The following PRIM2 variants were observed in gnomAD, a reference collection of about 807,000 sequenced individuals.
PRIM2 encodes DNA primase subunit 2.
PRIM2 carries 39 observed loss-of-function variants against 67.3 expected under a neutral mutation model. The observed-to-expected ratio is 0.58, with a 90% CI of 0.45 to 0.76. The LOEUF (loss-of-function observed/expected upper bound fraction) is 0.76, where lower values mean the gene tolerates loss of function less well. Among genes scored for constraint, PRIM2 ranks in the 30% least tolerant of loss-of-function variants. The probability of loss-of-function intolerance (pLI) is 0.00; values close to 1 mark genes in which losing one functional copy is unlikely to be tolerated. For missense variants in PRIM2, 398 were observed against 598.7 expected (o/e 0.66, Z 3.50); for synonymous variants, 143 against 198.7 (o/e 0.72, Z 2.36).
At chr6:57,265,255 T>A in the PRIM2 span, among the ~76,000 whole-genome samples, 1 of 152,222 alleles carries the variant, frequency 6.6e-6, no homozygotes, top group Non-Finnish European at 1.5e-5. Flanking sequence ...TTATGCAGTA[T>A]TTTCAAGGCC....
chr6:57,224,165 G>A, the PRIM2 span, among the ~76,000 whole-genome samples: 1 of 152,172 alleles, frequency 6.6e-6, no homozygotes, highest in Non-Finnish European at 1.5e-5. Flanking sequence ...CCCAGGTGTG[G>A]CGAGGTATCC....
intron 5 of PRIM2, among the ~76,000 whole-genome samples, chr6:57,374,861 C>A (rs1399639541): frequency 6.6e-6 from 1 of 152,252 alleles, no homozygotes; most frequent in Non-Finnish European, 1.5e-5. Context: ...GCTGGTATTA[C>A]AGGTATGAGC....
chr6:57,542,600 AAAT>A (rs1163870138), intron 10 of PRIM2, among the ~76,000 whole-genome samples: 2 of 152,064 alleles, frequency 1.3e-5, no homozygotes, highest in African/African-American at 4.8e-5. Context: ...TTATAAAAGA[AAAT>A]AAATAATTTT....
the PRIM2 span, among the ~76,000 whole-genome samples, chr6:57,259,278 G>T: frequency 8.8e-4 from 134 of 152,254 alleles, 2 homozygotes; most frequent in African/African-American, 3.2e-3. Context: ...TTGGGGGTTG[G>T]CTGATTTAAG....
At chr6:57,574,011 G>A (rs1775915400) in intron 10 of PRIM2, among the ~76,000 whole-genome samples, 1 of 151,670 alleles carries the variant, frequency 6.6e-6, no homozygotes, top group East Asian at 1.9e-4. Context: ...TGAAGGCAGG[G>A]AACCTAAGGC....
chr6:57,500,476 A>G (rs1403940243), intron 7 of PRIM2, among the ~76,000 whole-genome samples: 1 of 152,224 alleles, frequency 6.6e-6, no homozygotes, highest in East Asian at 1.9e-4. Flanking sequence ...AGGTTTACTC[A>G]AGCAAAAAGT....
Position 57,328,964 on chromosome 6 carries a change from CTGTT to C in PRIM2, c.459+2920_459+2923del, listed in dbSNP as rs1339534556. 2.0e-5 allele frequency among the ~76,000 whole-genome samples: 3 copies of C among 152,176 alleles called. No individual in the cohort carries two copies. The East Asian group carries it at 5.8e-4, about 29-fold the overall frequency. On this transcript the variant is annotated intron_variant, in intron 5 of 13. Coordinates refer to ENST00000615550, the MANE Select transcript of PRIM2 (RefSeq NM_000947.5). Reference sequence around the variant, plus strand: ...TTGTATATCATCTGTGAAGAGATGTCTGTTCAAATCCTTTGCCTGTTTTGTAGTT... The same window carrying C: ...TTGTATATCATCTGTGAAGAGATGTCCAAATCCTTTGCCTGTTTTGTAGTT...
chr6:57,428,540 A>C (rs1771707388), intron 7 of PRIM2, among the ~76,000 whole-genome samples: 1 of 152,142 alleles, frequency 6.6e-6, no homozygotes, highest in Non-Finnish European at 1.5e-5. Flanking sequence ...AGTTTTCTCA[A>C]ACCATTGACA....
intron 8 of PRIM2, among the ~76,000 whole-genome samples, chr6:57,520,633 A>G (rs1774592293): frequency 1.3e-5 from 2 of 152,220 alleles, no homozygotes; most frequent in African/African-American, 4.8e-5. Context: ...TGTGTATTTT[A>G]CTTTTAAAAT....
At position 57,326,027 on chromosome 6, in the gene PRIM2, C is replaced by A; in HGVS notation, c.441C>A (p.Ser147Arg). ...KDKIQDFLKD[S>R]QLQFEAISDE... is the part of the protein sequence containing the mutation. ...AAATTCAGGATTTCTTAAAGGATAGCCAATTGCAGTTTGAGGCTGTAAGTA... is the reference window on the plus strand; with the variant it reads ...AAATTCAGGATTTCTTAAAGGATAGACAATTGCAGTTTGAGGCTGTAAGTA... Residue 147 changes from serine (S) to arginine (R), a missense_variant, in exon 5 of 14, where the codon AGC (serine) becomes AGA (arginine). Coordinates refer to ENST00000615550, the MANE Select transcript of PRIM2 (RefSeq NM_000947.5). The A allele has an allele frequency of 6.2e-7, 1 of 1,612,080 alleles. No homozygotes were observed. The highest frequency in any genetic ancestry group is 1.1e-5 in the South Asian group (1 of 90,514).
chr6:57,433,454 T>C (rs1338030204), intron 7 of PRIM2, among the ~76,000 whole-genome samples: 2 of 148,108 alleles, frequency 1.4e-5, no homozygotes, highest in African/African-American at 5.0e-5. Flanking sequence ...TTTTAAATAG[T>C]GTTGAAAGAC....
intron 10 of PRIM2, among the ~76,000 whole-genome samples, chr6:57,583,884 A>G (rs1330558140): frequency 1.3e-5 from 2 of 152,296 alleles, no homozygotes; most frequent in African/African-American, 2.4e-5. Flanking sequence ...TATCCACTTG[A>G]CTTCTGGAAA....
At chr6:57,382,281 G>A (rs1329739586) in intron 7 of PRIM2, 113 bp downstream of exon 7, 4 of 1,181,674 alleles carry the variant, frequency 3.4e-6, no homozygotes, top group Non-Finnish European at 4.7e-6. Context: ...TTTTCATAAT[G>A]ATATTCAGAT....
intron 5 of PRIM2, among the ~76,000 whole-genome samples, chr6:57,338,942 A>G (rs1474049193): frequency 6.6e-6 from 1 of 152,224 alleles, no homozygotes; most frequent in East Asian, 1.9e-4. Flanking sequence ...ACATGATTGT[A>G]TATCTAGAAA....
chr6:57,633,118 G>GTT (rs1485445225), intron 13 of PRIM2, among the ~76,000 whole-genome samples: 3 of 152,292 alleles, frequency 2.0e-5, no homozygotes, highest in African/African-American at 7.2e-5. Context: ...CACTAAACAT[G>GTT]TTTGCCCTAT....
At chr6:57,581,710 C>T (rs1172564629) in intron 10 of PRIM2, among the ~76,000 whole-genome samples, 9 of 152,196 alleles carry the variant, frequency 5.9e-5, no homozygotes, top group Non-Finnish European at 2.9e-5. Context: ...CAGAAACTTA[C>T]TTGCTAAATC....
intron 5 of PRIM2, among the ~76,000 whole-genome samples, chr6:57,328,456 C>T (rs1349590869): frequency 6.6e-6 from 1 of 152,112 alleles, no homozygotes; most frequent in Non-Finnish European, 1.5e-5. Context: ...TATGTGGTCC[C>T]TTGTGGTTGA....
At chr6:57,510,942 A>G (rs1425415932) in intron 8 of PRIM2, among the ~76,000 whole-genome samples, 1 of 152,108 alleles carries the variant, frequency 6.6e-6, no homozygotes, top group East Asian at 1.9e-4. Flanking sequence ...AATGTTACCT[A>G]GAGGCGGATG....
chr6:57,532,397 T>G lies in PRIM2; in HGVS notation c.762-14T>G. ...TATGAATCTGTTTTAATATTTTTTT[T>G]TCTTTTTTTAAAGTCATTCCTACAC... On this transcript the variant is annotated splice_polypyrimidine_tract_variant and intron_variant, in intron 8 of 13. Coordinates refer to ENST00000615550, the MANE Select transcript of PRIM2 (RefSeq NM_000947.5). The G allele has an allele frequency of 8.1e-7, 1 of 1,227,450 alleles. No individual in the cohort carries two copies. The highest frequency in any genetic ancestry group is 1.1e-6 in the Non-Finnish European group (1 of 903,124). The allele number at this position is 1,227,450 out of a possible 1,614,324, so 76.0% of individuals were successfully genotyped here. A position where few individuals can be genotyped will look rare whatever the true frequency, so the allele number is the denominator to read the frequency against.
Sources: gnomAD v4.1 joint callset for allele counts (sites outside exome capture counted in the v4.1 genomes callset) on GRCh38, gnomAD v4.1.1 for gene constraint, MANE v1.5 for transcripts, NCBI Gene and HGNC (gene_info 2026-07-23, HGNC 2026-07-21) for gene names.